Variants in CD109 observed in about 807,000 individuals in gnomAD.
CD109 encodes the protein CD109 molecule, also known as CD109 antigen.
In CD109, 149 loss-of-function variants were observed where a neutral mutation model predicts 165.8. The observed-to-expected ratio is 0.90, with a 90% CI of 0.79 to 1.03. CD109 has a LOEUF of 1.03. Among genes scored for constraint, CD109 ranks in the 50% least tolerant of loss-of-function variants. The pLI is 0.00. For missense variants in CD109, 1,712 were observed against 1,677.8 expected (o/e 1.02, Z -0.36); for synonymous variants, 585 against 592.1 (o/e 0.99, Z 0.18).
rs745786182 is a variant in CD109 at position 73,792,784 on chromosome 6, C to A, written c.2860C>A (p.Leu954Ile). The A allele has an allele frequency of 7.5e-6, 12 of 1,608,886 alleles. No homozygotes were observed. Among genetic ancestry groups the A allele is most frequent in the Non-Finnish European group, 9.3e-6 (11 of 1,179,336 alleles). ...GACAGATAATTTGAAAGAAAAAGCT[C>A]TTTCATTTATGAGGCAAGGTAAGCA... ...QLTDNLKEKA[L>I]SFMRQGYQRE... The change falls in exon 23 of 33, where the codon CTT becomes ATT. Residue 954 changes from leucine to isoleucine, a missense_variant. Leu to Ile is a conservative substitution (Grantham distance 5, BLOSUM62 2). Coordinates refer to ENST00000287097, the MANE Select transcript of CD109 (RefSeq NM_133493.5).
At chr6:73,709,675 C>T (rs558916210) in intron 2 of CD109, among the ~76,000 whole-genome samples, 7 of 152,192 alleles carry the variant, frequency 4.6e-5, no homozygotes, top group Non-Finnish European at 8.8e-5. Context: ...TGATGAACAT[C>T]GATGCAAAAA....
rs914094194 is a variant in CD109 at position 73,825,859 on chromosome 6, T to A, written c.*2226T>A. On this transcript the variant is annotated 3_prime_UTR_variant, in exon 33 of 33. Transcript: ENST00000287097. Reference sequence around the variant, plus strand: ...CAGGCGTGGTGGCATGCACCTGTAGTCCCACCTACTCGGGAGGCTGAGGCA... The same window carrying A: ...CAGGCGTGGTGGCATGCACCTGTAGACCCACCTACTCGGGAGGCTGAGGCA... 1 of 152,216 alleles carries A rather than the reference T, an allele frequency of 6.6e-6. No individual in the cohort carries two copies. Among genetic ancestry groups the A allele is most frequent in the Non-Finnish European group, 1.5e-5 (1 of 68,160 alleles). 9.4% of individuals were successfully genotyped at this position (152,216 alleles called of 1,614,324 possible).
At chr6:73,739,927 G>A (rs1015425161) in intron 5 of CD109, among the ~76,000 whole-genome samples, 2 of 152,154 alleles carry the variant, frequency 1.3e-5, no homozygotes, top group African/African-American at 4.8e-5. Context: ...AGAGTGAAGT[G>A]GCACAATCAT....
chr6:73,766,120 C>T lies in CD109; in HGVS notation c.1298C>T (p.Pro433Leu). The T allele has an allele frequency of 6.2e-7, 1 of 1,614,006 alleles. No homozygotes were observed. Among genetic ancestry groups the T allele is most frequent in the Non-Finnish European group, 8.5e-7 (1 of 1,179,936 alleles). Residue 433 changes from proline (P) to leucine (L), a missense_variant, in exon 11 of 33, where the codon CCA (proline) becomes CTA (leucine). By Grantham distance (98) the Pro-to-Leu change is moderately conservative. Transcript: ENST00000287097. ...PQSGTFKIEF[P>L]ILEDSSELQL... ...AGTGGAACTTTTAAGATTGAATTCC[C>T]AATCCTGGAGGATTCCAGTGAGCTA...
At chr6:73,749,983 T>C (rs1031019069) in intron 5 of CD109, among the ~76,000 whole-genome samples, 1 of 152,222 alleles carries the variant, frequency 6.6e-6, no homozygotes, top group Non-Finnish European at 1.5e-5. Flanking sequence ...GTTAGTATTA[T>C]TGTTTAACAA....
intron 23 of CD109, 109 bp downstream of exon 23, chr6:73,792,911 T>C: frequency 2.6e-6 from 2 of 773,190 alleles, no homozygotes; most frequent in South Asian, 1.8e-5. Flanking sequence ...CTTAGGTAAG[T>C]GATGGGCTAC....
At chr6:73,800,279 T>C (rs1412833986) in intron 23 of CD109, among the ~76,000 whole-genome samples, 3 of 152,242 alleles carry the variant, frequency 2.0e-5, no homozygotes, top group African/African-American at 7.2e-5. Context: ...GAGATATTCC[T>C]CATTCTTTTT....
intron 2 of CD109, among the ~76,000 whole-genome samples, chr6:73,699,206 AGAATTTATGAGT>A (rs1770966244): frequency 6.6e-6 from 1 of 152,334 alleles, no homozygotes; most frequent in African/African-American, 2.4e-5. Context: ...TTATTCATTA[AGAATTTATGAGT>A]GGGAAGAGGG....
intron 4 of CD109, among the ~76,000 whole-genome samples, chr6:73,732,918 C>T (rs1268097812): frequency 6.6e-6 from 1 of 152,032 alleles, no homozygotes; most frequent in African/African-American, 2.4e-5. Flanking sequence ...ACTCTCTTGG[C>T]CAGGGGAGGG....
At chr6:73,774,107 G>C (rs1457991237) in intron 15 of CD109, among the ~76,000 whole-genome samples, 4 of 151,864 alleles carry the variant, frequency 2.6e-5, no homozygotes, top group Admixed American at 2.6e-4. Flanking sequence ...TTTATATTCT[G>C]ATATTTCCCA....
At chr6:73,749,683 A>G (rs922102816) in intron 5 of CD109, among the ~76,000 whole-genome samples, 1 of 152,250 alleles carries the variant, frequency 6.6e-6, no homozygotes, top group African/African-American at 2.4e-5. Context: ...GGTCTCTCAA[A>G]TTATAAAAGT....
chr6:73,727,654 C>A (rs1025491930), intron 3 of CD109, among the ~76,000 whole-genome samples: 1 of 152,142 alleles, frequency 6.6e-6, no homozygotes, highest in Non-Finnish European at 1.5e-5. Context: ...TTCTTTAGCT[C>A]TAGGCCTCTG....
intron 22 of CD109, among the ~76,000 whole-genome samples, chr6:73,791,134 T>TACACACACACACAC (rs573195220): frequency 1.3e-5 from 1 of 77,068 alleles, no homozygotes; most frequent in African/African-American, 6.2e-5. Context: ...TATACATACA[T>TACACACACACACAC]ACATATATAT....
intron 19 of CD109, among the ~76,000 whole-genome samples, chr6:73,785,034 C>A (rs535879319): frequency 2.6e-5 from 4 of 152,262 alleles, no homozygotes; most frequent in Non-Finnish European, 4.4e-5. Flanking sequence ...TTACAAAAAT[C>A]TCAAAAATTT....
At chr6:73,716,977 G>A (rs887419106) in intron 2 of CD109, among the ~76,000 whole-genome samples, 5 of 152,160 alleles carry the variant, frequency 3.3e-5, no homozygotes, top group Non-Finnish European at 7.4e-5. Context: ...ACAGGGTCTA[G>A]TTTCATTCTT....
At chr6:73,790,436 G>A (rs1443703030) in intron 22 of CD109, among the ~76,000 whole-genome samples, 1 of 152,134 alleles carries the variant, frequency 6.6e-6, no homozygotes, top group Non-Finnish European at 1.5e-5. Flanking sequence ...TACACAAATG[G>A]TGTTATTAAT....
intron 13 of CD109, 45 bp downstream of exon 13, chr6:73,767,055 T>C: frequency 6.6e-7 from 1 of 1,521,832 alleles, no homozygotes; most frequent in Non-Finnish European, 9.0e-7. Flanking sequence ...TATAGAATCA[T>C]CTTTTTATTC....
At chr6:73,777,517 G>T (rs1329727033) in intron 15 of CD109, among the ~76,000 whole-genome samples, 1 of 152,152 alleles carries the variant, frequency 6.6e-6, no homozygotes, top group African/African-American at 2.4e-5. Context: ...TATTGCCTAG[G>T]TTGTCTTCCA....
At chr6:73,769,837 G>A (rs1232276960) in intron 14 of CD109, among the ~76,000 whole-genome samples, 1 of 152,218 alleles carries the variant, frequency 6.6e-6, no homozygotes, top group Non-Finnish European at 1.5e-5. Context: ...GCTTTAGTGT[G>A]TAGGTGGAGA....
Sources: gnomAD v4.1 joint callset for allele counts (sites outside exome capture counted in the v4.1 genomes callset) on GRCh38, gnomAD v4.1.1 for gene constraint, MANE v1.5 for transcripts, NCBI Gene and HGNC (gene_info 2026-07-23, HGNC 2026-07-21) for gene names.